Variants in KIF7 observed in about 807,000 individuals in gnomAD.
KIF7 encodes kinesin-like protein KIF7.
KIF7 carries 104 observed loss-of-function variants against 135.7 expected under a neutral mutation model. The ratio of observed to expected loss-of-function variants is 0.77; its 90% CI spans 0.65 to 0.90. KIF7 has a LOEUF of 0.90. Ranked by LOEUF, KIF7 falls within the 40% of genes least tolerant of loss-of-function variation. The pLI is 0.00. For synonymous variants in KIF7, 883 were observed against 809.4 expected (o/e 1.09, Z -1.54); for missense variants, 2,005 against 1,839.1 (o/e 1.09, Z -1.65).
Position 89,629,010 on chromosome 15 carries a change from C to G in KIF7, c.3630G>C (p.Lys1210Asn), listed in dbSNP as rs1963602913. The change falls in exon 18 of 19, where the codon AAG (lysine) becomes AAC (asparagine). Residue 1210 changes from lysine to asparagine, a missense_variant. Physicochemically the swap from Lys to Asn is moderately conservative, Grantham distance 94. Coordinates refer to ENST00000394412, the MANE Select transcript of KIF7 (RefSeq NM_198525.3). ...YMWINQELKQKLGGVNAVGHS... is the reference protein window; with the variant it reads ...YMWINQELKQNLGGVNAVGHS... ...GGCCTACAGCGTTCACACCGCCGAGCTTCTGTTTCAGTTCCTGGTTTATCC... is the reference window on the plus strand; with the variant it reads ...GGCCTACAGCGTTCACACCGCCGAGGTTCTGTTTCAGTTCCTGGTTTATCC... 1 of 1,613,664 alleles carries G rather than the reference C, an allele frequency of 6.2e-7. No homozygotes were observed. The highest frequency in any genetic ancestry group is 8.5e-7 in the Non-Finnish European group (1 of 1,179,978).
chr15:89,631,831 G>A (rs189275464), intron 14 of KIF7, 121 bp from the exon 15 acceptor site: 76 of 837,626 alleles, frequency 9.1e-5, no homozygotes, highest in Non-Finnish European at 1.3e-4. Context: ...CACTCCAAAT[G>A]TTCTGCTCAG....
At chr15:89,620,781 G>C (rs966422995) in intron 1 of KIF7, among the ~76,000 whole-genome samples, 3 of 152,060 alleles carry the variant, frequency 2.0e-5, no homozygotes, top group African/African-American at 7.2e-5. Context: ...GGAGTGCAGT[G>C]GCGCAATCTT....
chr15:89,647,798 T>C, intron 5 of KIF7, 86 bp from the exon 6 acceptor site: 4 of 1,044,988 alleles, frequency 3.8e-6, no homozygotes, highest in Non-Finnish European at 5.6e-6. Flanking sequence ...CCCTGCTTTC[T>C]ATCTACTCTT....
intron 8 of KIF7, 129 bp from the exon 9 acceptor site, chr15:89,645,580 G>T: frequency 1.2e-6 from 1 of 816,998 alleles, no homozygotes; most frequent in Non-Finnish European, 2.0e-6. Flanking sequence ...AACCCAGGAT[G>T]TGAGTCTGGC....
exon 2 of KIF7, chr15:89,618,031 G>T: frequency 1.0e-6 from 1 of 997,368 alleles, no homozygotes; most frequent in South Asian, 1.3e-5. Context: ...CCCTTTACCA[G>T]CACTGGTGTT....
chr15:89,648,774 C>T lies in KIF7; in HGVS notation c.924G>A (p.Arg308=), dbSNP rs1964068521. 1 of 1,532,340 alleles carries T rather than the reference C, an allele frequency of 6.5e-7. No homozygotes were observed. Among genetic ancestry groups the T allele is most frequent in the Non-Finnish European group, 8.7e-7 (1 of 1,143,438 alleles). The allele number at this position is 1,532,340 out of a possible 1,614,324, so 94.9% of individuals were successfully genotyped here. A position where few individuals can be genotyped will look rare whatever the true frequency, so the allele number is the denominator to read the frequency against. The change falls in exon 5 of 19, where the codon CGG becomes CGA. Residue 308 remains arginine (R), a splice_region_variant and synonymous_variant. Transcript: ENST00000394412. The part of the protein sequence containing the change: ...HIPYRDSKIT[R]ILKDSLGGNA... ...TCCCGCCCAGCGAGTCTTTGAGGAT[C>T]CTGAGGGCGCGAGGGGGAGGCTCTC...
At chr15:89,654,564 C>T (rs1964178252) in intron 1 of KIF7, among the ~76,000 whole-genome samples, 1 of 152,118 alleles carries the variant, frequency 6.6e-6, no homozygotes, top group Non-Finnish European at 1.5e-5. Flanking sequence ...CTGTTCCACC[C>T]GCCCGTGACC....
At chr15:89,624,134 C>T (rs1490286223), downstream of KIF7, 1 of 1,613,994 alleles carries the variant, frequency 6.2e-7, no homozygotes, top group Admixed American at 1.7e-5. Flanking sequence ...CTCAGAGCTG[C>T]TCGGGCAGAG....
At chr15:89,626,934 A>G (rs1316961665), downstream of KIF7, 5 of 1,610,998 alleles carry the variant, frequency 3.1e-6, no homozygotes, top group Non-Finnish European at 4.2e-6. Flanking sequence ...CCTGCATGCT[A>G]AGCCTTTCTA....
At position 89,628,482 on chromosome 15, in the gene KIF7, C is replaced by A. The variant is rs1174249428; in HGVS notation, c.3969G>T (p.Lys1323Asn). 1.7e-5 allele frequency: 27 copies of A among 1,612,060 alleles called. No individual in the cohort carries two copies. Among genetic ancestry groups the A allele is most frequent in the Non-Finnish European group, 2.3e-5 (27 of 1,179,336 alleles). Residue 1323 changes from lysine to asparagine, a missense_variant, in exon 19 of 19, where the codon AAG (lysine) becomes AAT (asparagine). Transcript: ENST00000394412. ...GLPWNFGPLS[K>N]PRRELRRASP... ...TGGCTCGTCGCAGTTCCCGCCGGGG[C>A]TTGGACAAAGGCCCAAAGTTCCAGG...
At chr15:89,622,624 C>G (rs1453499831) in intron 1 of KIF7, among the ~76,000 whole-genome samples, 19 of 152,178 alleles carry the variant, frequency 1.2e-4, no homozygotes, top group Admixed American at 1.2e-3. Context: ...AACCATAGAT[C>G]TACACAACCA....
In KIF7 at chr15:89,648,444, G is replaced by A; in HGVS notation, c.1254C>T (p.Ala418=). 9.1e-7 allele frequency: 1 copy of A among 1,098,704 alleles called. No homozygotes were observed. The highest frequency in any genetic ancestry group is 1.1e-6 in the Non-Finnish European group (1 of 902,550). 68.1% of individuals were successfully genotyped at this position (1,098,704 alleles called of 1,614,324 possible). ...ECARYRACTD[A]AYSLLRELQA... Reference sequence around the variant, plus strand: ...GCAGCTCGCGCAAGAGGCTGTAGGCGGCGTCGGTGCAGGCCCGGTAGCGCG... The same window carrying A: ...GCAGCTCGCGCAAGAGGCTGTAGGCAGCGTCGGTGCAGGCCCGGTAGCGCG... Residue 418 remains alanine, a synonymous_variant, in exon 5 of 19, where the codon GCC becomes GCT. Transcript: ENST00000394412.
chr15:89,630,223 C>T, intron 16 of KIF7, 64 bp downstream of exon 16: 1 of 1,483,100 alleles, frequency 6.7e-7, no homozygotes, highest in Non-Finnish European at 9.4e-7. Flanking sequence ...GAGCAGCTGC[C>T]ATGAGACACC....
chr15:89,629,555 C>G lies in KIF7; in HGVS notation c.3337G>C (p.Glu1113Gln). The G allele has an allele frequency of 6.2e-7, 1 of 1,607,234 alleles. No homozygotes were observed. The highest frequency in any genetic ancestry group is 8.5e-7 in the Non-Finnish European group (1 of 1,179,994). Reference protein sequence around the residue: ...YFDKVVTLREEQHQQQIAFSE... With the variant: ...YFDKVVTLREQQHQQQIAFSE... ...AAGGCAATCTGCTGCTGGTGCTGCT[C>G]CTCTCGGAGCGTCACCACCTGTCCC... The change falls in exon 17 of 19, where the codon GAG becomes CAG. Residue 1113 changes from glutamate to glutamine, a missense_variant. Glu to Gln is a conservative substitution (Grantham distance 29). Coordinates refer to ENST00000394412, the MANE Select transcript of KIF7 (RefSeq NM_198525.3).
intron 7 of KIF7, among the ~76,000 whole-genome samples, 184 bp downstream of exon 7, chr15:89,646,646 G>A (rs544792772): frequency 6.6e-6 from 1 of 152,282 alleles, no homozygotes; most frequent in African/African-American, 2.4e-5. Context: ...ACCCTTCTGA[G>A]AGGCCCAGAG....
chr15:89,632,755 C>G (rs934801597), intron 14 of KIF7, 65 bp downstream of exon 14: 29 of 1,537,484 alleles, frequency 1.9e-5, no homozygotes, highest in Admixed American at 1.7e-4. Context: ...CTGGCAAGAT[C>G]TGTCCTGGCT....
chr15:89,650,730 TA>T (rs941367858), intron 2 of KIF7, among the ~76,000 whole-genome samples: 1 of 152,024 alleles, frequency 6.6e-6, no homozygotes, highest in Non-Finnish European at 1.5e-5. Context: ...AGGTAGCCAT[TA>T]AAAAGTTAGA....
rs143042677 is a variant in KIF7, at chr15:89,631,780, G to A, written c.2896-70C>T. 401 of 1,332,234 alleles carry A rather than the reference G, an allele frequency of 3.0e-4. 1 individual carries two copies. The East Asian group carries it at 7.2e-3, about 24-fold the overall frequency. The allele number at this position is 1,332,234 out of a possible 1,614,324, so 82.5% of individuals were successfully genotyped here. On this transcript the variant is annotated intron_variant, in intron 14 of 18. Transcript: ENST00000394412. ...CCTCACAGGGGGGACAGAAAGGGCC[G>A]GATGTTAAGGAGGACTTGCGTCCTT...
upstream of KIF7, among the ~76,000 whole-genome samples, chr15:89,656,179 G>A (rs1964204772): frequency 6.6e-6 from 1 of 152,076 alleles, no homozygotes; most frequent in African/African-American, 2.4e-5. Flanking sequence ...AAATTGCCAG[G>A]CTCGTCAGAT....
Sources: gnomAD v4.1 joint callset for allele counts (sites outside exome capture counted in the v4.1 genomes callset) on GRCh38, gnomAD v4.1.1 for gene constraint, MANE v1.5 for transcripts, NCBI Gene and HGNC (gene_info 2026-07-23, HGNC 2026-07-21) for gene names.